EEFSEC: variants seen among roughly 807,000 people sequenced by gnomAD.
The protein encoded by EEFSEC is eukaryotic elongation factor, selenocysteine-tRNA specific, also known as selenocysteine-specific elongation factor.
A neutral mutation model predicts 42.1 loss-of-function variants in EEFSEC; 43 were observed. The observed-to-expected ratio is 1.02, with a 90% CI of 0.80 to 1.32. The LOEUF (loss-of-function observed/expected upper bound fraction) is 1.32. Among genes scored for constraint, EEFSEC ranks in the 40% most tolerant of loss-of-function variants. The pLI, the probability that EEFSEC is intolerant of heterozygous loss-of-function variation, is 0.00. For missense variants in EEFSEC, 745 were observed against 803.6 expected (o/e 0.93, Z 0.88); for synonymous variants, 354 against 339.1 (o/e 1.04, Z -0.48).
intron 4 of EEFSEC, among the ~76,000 whole-genome samples, chr3:128,273,495 A>G (rs2066435607): frequency 6.6e-6 from 1 of 152,164 alleles, no homozygotes; most frequent in Non-Finnish European, 1.5e-5. Context: ...GCTTGTTCTT[A>G]ACCCCCAAAC....
chr3:128,155,437 G>A (rs993465281), intron 1 of EEFSEC, among the ~76,000 whole-genome samples: 2 of 152,078 alleles, frequency 1.3e-5, no homozygotes, highest in African/African-American at 4.8e-5. Context: ...TACCTTTGTG[G>A]ATTACTTTTC....
At chr3:128,239,252 C>G (rs1241757303) in intron 1 of EEFSEC, among the ~76,000 whole-genome samples, 1 of 152,164 alleles carries the variant, frequency 6.6e-6, no homozygotes, top group Admixed American at 6.5e-5. Flanking sequence ...TCCTCTTCCT[C>G]CTCTGGAGGG....
chr3:128,169,665 C>CTT (rs1318936574), intron 1 of EEFSEC, among the ~76,000 whole-genome samples: 1 of 152,182 alleles, frequency 6.6e-6, no homozygotes, highest in Non-Finnish European at 1.5e-5. Context: ...TTTCACAACT[C>CTT]TGTGATTGTG....
chr3:128,331,888 A>T (rs753655059), intron 4 of EEFSEC, among the ~76,000 whole-genome samples: 1 of 152,130 alleles, frequency 6.6e-6, no homozygotes, highest in African/African-American at 2.4e-5. Context: ...AATCTACAAG[A>T]TCTAGTAAAA....
chr3:128,417,587 G>A, the EEFSEC span, among the ~76,000 whole-genome samples: 5 of 152,288 alleles, frequency 3.3e-5, no homozygotes, highest in South Asian at 1.0e-3. The surrounding 1 kb of genome is among the most constrained non-coding windows in gnomAD (Gnocchi z 4.3). Context: ...TGGGAAGGGG[G>A]CTCTAGGGAC....
intron 6 of EEFSEC, among the ~76,000 whole-genome samples, chr3:128,406,665 CAGCT>C (rs1197359158): frequency 6.6e-6 from 1 of 151,898 alleles, no homozygotes; most frequent in Non-Finnish European, 1.5e-5. Context: ...TGCAAAAAAT[CAGCT>C]AGGCATGGTG....
intron 1 of EEFSEC, among the ~76,000 whole-genome samples, chr3:128,163,824 C>G (rs1451488727): frequency 6.6e-6 from 1 of 151,816 alleles, no homozygotes; most frequent in African/African-American, 2.4e-5. Context: ...GCGACTTTTG[C>G]TTGGCCTCCT....
chr3:128,249,435 A>G (rs1048584533), intron 2 of EEFSEC, among the ~76,000 whole-genome samples: 3 of 152,176 alleles, frequency 2.0e-5, no homozygotes, highest in Non-Finnish European at 2.9e-5. Flanking sequence ...TAAAATACAT[A>G]TAACATAATG....
At chr3:128,309,598 C>G (rs746156468) in intron 4 of EEFSEC, among the ~76,000 whole-genome samples, 128 of 152,306 alleles carry the variant, frequency 8.4e-4, no homozygotes, top group Non-Finnish European at 1.6e-3. Flanking sequence ...GGCCATAAGT[C>G]ATGGTGACTT....
intron 6 of EEFSEC, among the ~76,000 whole-genome samples, chr3:128,377,305 G>A (rs2067721286): frequency 6.6e-6 from 1 of 151,674 alleles, no homozygotes; most frequent in Non-Finnish European, 1.5e-5. Flanking sequence ...AAGGGAAGTT[G>A]AACCACGTAG....
chr3:128,237,441 T>A (rs1319185004), intron 1 of EEFSEC, among the ~76,000 whole-genome samples: 1 of 152,244 alleles, frequency 6.6e-6, no homozygotes, highest in Non-Finnish European at 1.5e-5. Flanking sequence ...GTCATGTGTA[T>A]GGTAGACATC....
chr3:128,171,170 T>C (rs2065292125), intron 1 of EEFSEC, among the ~76,000 whole-genome samples: 1 of 152,240 alleles, frequency 6.6e-6, no homozygotes, highest in East Asian at 1.9e-4. Context: ...AATGTGTAGT[T>C]TCACAGGTCA....
chr3:128,237,982 A>T (rs777347705), intron 1 of EEFSEC, among the ~76,000 whole-genome samples: 1 of 152,198 alleles, frequency 6.6e-6, no homozygotes, highest in Non-Finnish European at 1.5e-5. Context: ...TCTGGCCAAG[A>T]GGCAGCTGAT....
At chr3:128,308,164 G>T (rs1044310709) in intron 4 of EEFSEC, among the ~76,000 whole-genome samples, 1 of 152,264 alleles carries the variant, frequency 6.6e-6, no homozygotes, top group African/African-American at 2.4e-5. Flanking sequence ...AGACCCAGGA[G>T]TGGGTCTCAG....
At chr3:128,319,758 G>A (rs148670730) in intron 4 of EEFSEC, among the ~76,000 whole-genome samples, 4 of 152,350 alleles carry the variant, frequency 2.6e-5, no homozygotes, top group Admixed American at 6.5e-5. Context: ...TTCTGTTTAT[G>A]TGGCTGTCCC....
At chr3:128,241,311 G>T (rs1280521167) in intron 1 of EEFSEC, among the ~76,000 whole-genome samples, 1 of 149,094 alleles carries the variant, frequency 6.7e-6, no homozygotes, top group East Asian at 2.0e-4. Context: ...CTGGGCTTAG[G>T]TGATTATCCT....
At chr3:128,381,660 G>T (rs1360880350) in intron 6 of EEFSEC, among the ~76,000 whole-genome samples, 3 of 152,204 alleles carry the variant, frequency 2.0e-5, no homozygotes, top group Non-Finnish European at 4.4e-5. Flanking sequence ...CACAGAAGGG[G>T]TAGTTGGTCA....
At chr3:128,208,520 T>TTAG (rs1366022480) in intron 1 of EEFSEC, among the ~76,000 whole-genome samples, 1 of 152,134 alleles carries the variant, frequency 6.6e-6, no homozygotes, top group Non-Finnish European at 1.5e-5. Context: ...AGGTGTAGTG[T>TTAG]TAGTGCCCAA....
chr3:128,330,114 G>A (rs1021484119), intron 4 of EEFSEC, among the ~76,000 whole-genome samples: 1 of 152,242 alleles, frequency 6.6e-6, no homozygotes, highest in South Asian at 2.1e-4. Context: ...CAGCATTGCT[G>A]TAATTCATTT....
Sources: allele counts gnomAD v4.1 joint callset (sites outside exome capture counted in the v4.1 genomes callset), GRCh38; gene constraint gnomAD v4.1.1; non-coding constraint Gnocchi (gnomAD v3.1); transcripts MANE v1.5; gene names NCBI Gene and HGNC (gene_info 2026-07-23, HGNC 2026-07-21).